Variants in UBAP2 observed in about 807,000 individuals in gnomAD.
UBAP2 encodes ubiquitin-associated protein 2.
A neutral mutation model predicts 139.6 loss-of-function variants in UBAP2; 75 were observed. That is an observed-to-expected ratio of 0.54 (90% CI 0.45 to 0.65). The LOEUF (loss-of-function observed/expected upper bound fraction) is 0.65. Ranked by LOEUF, UBAP2 falls within the 30% of genes least tolerant of loss-of-function variation. UBAP2 has a pLI of 0.00. For synonymous variants in UBAP2, 526 were observed against 526.2 expected (o/e 1.00, Z 0.01); for missense variants, 1,368 against 1,369.6 (o/e 1.00, Z 0.02).
At chr9:33,976,622 C>T (rs1828367851) in intron 6 of UBAP2, among the ~76,000 whole-genome samples, 1 of 152,126 alleles carries the variant, frequency 6.6e-6, no homozygotes, top group Non-Finnish European at 1.5e-5. Context: ...GATGATTGCA[C>T]AACTTGGTGA....
chr9:34,022,001 T>C (rs1824991171), intron 1 of UBAP2, among the ~76,000 whole-genome samples: 1 of 152,108 alleles, frequency 6.6e-6, no homozygotes, highest in Non-Finnish European at 1.5e-5. Context: ...TCCCAACACT[T>C]TGGGAAGCCA....
intron 22 of UBAP2, among the ~76,000 whole-genome samples, chr9:33,926,074 C>G (rs1823402355): frequency 6.6e-6 from 1 of 152,216 alleles, no homozygotes; most frequent in African/African-American, 2.4e-5. Context: ...CTGCAACCAC[C>G]AGGGACGTCC....
chr9:34,034,928 T>G (rs1378481773), intron 1 of UBAP2, among the ~76,000 whole-genome samples: 1 of 151,936 alleles, frequency 6.6e-6, no homozygotes, highest in Non-Finnish European at 1.5e-5. Context: ...TACATCCGGA[T>G]TACTCTCAAA....
chr9:33,998,750 A>T (rs749898112), intron 3 of UBAP2, 37 bp downstream of exon 3: 2 of 1,562,920 alleles, frequency 1.3e-6, no homozygotes, highest in South Asian at 1.1e-5. Flanking sequence ...ATCAAAATAG[A>T]TTATAAAAAT....
intron 1 of UBAP2, among the ~76,000 whole-genome samples, chr9:34,044,761 G>C (rs962569984): frequency 5.9e-5 from 9 of 151,992 alleles, no homozygotes; most frequent in African/African-American, 2.2e-4. Flanking sequence ...AGCTACTCAG[G>C]AGGCTGAGGC....
At chr9:33,941,515 G>C in intron 16 of UBAP2, 134 bp downstream of exon 16, 1 of 760,440 alleles carries the variant, frequency 1.3e-6, no homozygotes. Context: ...CAAACTCAAT[G>C]AACTATAAGG....
chr9:33,969,628 A>G (rs550299868), intron 8 of UBAP2, among the ~76,000 whole-genome samples: 1 of 150,198 alleles, frequency 6.7e-6, no homozygotes, highest in African/African-American at 2.4e-5. Flanking sequence ...TCACTTTGGG[A>G]GGCCAAGGTG....
intron 1 of UBAP2, among the ~76,000 whole-genome samples, chr9:34,025,726 A>G (rs993983402): frequency 4.6e-5 from 7 of 152,198 alleles, no homozygotes; most frequent in Admixed American, 6.6e-5. Context: ...TTAACTGCCT[A>G]AAAAGTTTTG....
chr9:33,930,340 C>T (rs1386179823), intron 19 of UBAP2, among the ~76,000 whole-genome samples: 1 of 151,118 alleles, frequency 6.6e-6, no homozygotes, highest in Non-Finnish European at 1.5e-5. Flanking sequence ...ACACATGAAA[C>T]AACATATGTA....
chr9:34,027,487 G>C (rs185193748), intron 1 of UBAP2, among the ~76,000 whole-genome samples: 2 of 151,896 alleles, frequency 1.3e-5, no homozygotes, highest in African/African-American at 4.8e-5. Context: ...GAGGCCAAGA[G>C]GGGGAGGATC....
In UBAP2 at chr9:33,922,796, G is replaced by A. The variant is rs1823028568; in HGVS notation, c.3155C>T (p.Ala1052Val). Reference sequence around the variant, plus strand: ...TGCATAGCCAGGGGCCGCTCCCGAGGCCAGGGGCCCAGTGGAGCCCAAGAC... The same window carrying A: ...TGCATAGCCAGGGGCCGCTCCCGAGACCAGGGGCCCAGTGGAGCCCAAGAC... Reference protein sequence around the residue: ...PSVLGSTGPLASGAAPGYAPP... With the variant: ...PSVLGSTGPLVSGAAPGYAPP... Residue 1052 changes from alanine (A) to valine (V), a missense_variant, in exon 28 of 29, where the codon GCC becomes GTC. By Grantham distance (64) the Ala-to-Val change is moderately conservative. Coordinates refer to ENST00000379238, the MANE Select transcript of UBAP2 (RefSeq NM_001370062.2). The A allele has an allele frequency of 1.9e-6, 3 of 1,563,586 alleles. No homozygotes were observed. Among genetic ancestry groups the A allele is most frequent in the Non-Finnish European group, 2.6e-6 (3 of 1,154,674 alleles).
intron 12 of UBAP2, 84 bp from the exon 13 acceptor site, chr9:33,948,671 A>G: frequency 8.7e-7 from 1 of 1,146,468 alleles, no homozygotes; most frequent in Non-Finnish European, 1.3e-6. Context: ...TATTTTCACA[A>G]GTATGTTAAA....
intron 10 of UBAP2, among the ~76,000 whole-genome samples, chr9:33,956,820 A>G (rs897325006): frequency 6.6e-6 from 1 of 152,152 alleles, no homozygotes; most frequent in African/African-American, 2.4e-5. Context: ...AAATGCCAAA[A>G]AGAAGTTGAG....
intron 10 of UBAP2, 81 bp downstream of exon 10, chr9:33,960,745 A>G (rs1826980666): frequency 7.0e-7 from 1 of 1,428,580 alleles, no homozygotes; most frequent in African/African-American, 1.4e-5. Context: ...ACGCCATTGC[A>G]TTCCAGCCTG....
intron 8 of UBAP2, among the ~76,000 whole-genome samples, chr9:33,967,801 C>A (rs545283313): frequency 6.6e-6 from 1 of 152,176 alleles, no homozygotes; most frequent in East Asian, 1.9e-4. Context: ...AGTATATTTT[C>A]TTTAAAAAAT....
chr9:33,956,489 G>A lies in UBAP2; in HGVS notation c.799-343C>T, dbSNP rs552159578. 8.2e-4 allele frequency among the ~76,000 whole-genome samples: 125 copies of A among 151,862 alleles called. 1 individual carries two copies. Among genetic ancestry groups the A allele is most frequent in the Non-Finnish European group, 1.4e-3 (92 of 67,930 alleles). Reference sequence around the variant, plus strand: ...ACGCACCAGCATGCGCCACCACACCGAGCTAATTTTTGTATTTTTAGTAGA... The same window carrying A: ...ACGCACCAGCATGCGCCACCACACCAAGCTAATTTTTGTATTTTTAGTAGA... On this transcript the variant is annotated intron_variant, in intron 10 of 28. Transcript: ENST00000379238.
At chr9:34,008,215 G>A (rs1183064744) in intron 2 of UBAP2, among the ~76,000 whole-genome samples, 5 of 151,972 alleles carry the variant, frequency 3.3e-5, no homozygotes, top group African/African-American at 1.2e-4. Flanking sequence ...TTACTTGGGA[G>A]GCTGAGACAG....
chr9:33,971,602 A>T, intron 8 of UBAP2, 49 bp downstream of exon 8: 2 of 1,067,594 alleles, frequency 1.9e-6, no homozygotes, highest in Non-Finnish European at 1.5e-6. Flanking sequence ...TACAACTCTT[A>T]ATAGCTCAAA....
chr9:34,004,737 T>C (rs1327864792), intron 2 of UBAP2, among the ~76,000 whole-genome samples: 2 of 150,112 alleles, frequency 1.3e-5, no homozygotes, highest in Admixed American at 1.3e-4. Flanking sequence ...TGAGCCGAGA[T>C]AGCGCCACTG....
Sources: allele counts gnomAD v4.1 joint callset (sites outside exome capture counted in the v4.1 genomes callset), GRCh38; gene constraint gnomAD v4.1.1; transcripts MANE v1.5; gene names NCBI Gene and HGNC (gene_info 2026-07-23, HGNC 2026-07-21).